The following TTLL13 variants were observed in gnomAD, a reference collection of about 807,000 sequenced individuals.
TTLL13 encodes tubulin tyrosine ligase like 13, also known as tubulin polyglutamylase TTLL13.
At chr15:90,260,986 C>G in the TTLL13 span, among the ~76,000 whole-genome samples, 4 of 152,020 alleles carry the variant, frequency 2.6e-5, no homozygotes, top group Admixed American at 2.6e-4. Context: ...TCATAATCAA[C>G]ATGCTAATTG....
chr15:90,264,629 T>C, the TTLL13 span: 1 of 1,422,934 alleles, frequency 7.0e-7, no homozygotes, highest in Non-Finnish European at 9.4e-7. Flanking sequence ...ATGCCCTTCC[T>C]CTGTGTTGGT....
chr15:90,253,225 C>G, the TTLL13 span: 1 of 1,599,240 alleles, frequency 6.3e-7, no homozygotes, highest in East Asian at 2.2e-5. Flanking sequence ...CATGCTGGCA[C>G]TACTGATCTC....
chr15:90,254,248 T>A, the TTLL13 span, among the ~76,000 whole-genome samples: 3 of 147,916 alleles, frequency 2.0e-5, no homozygotes, highest in South Asian at 4.2e-4. Flanking sequence ...TAATCCCAAC[T>A]CTTTGGGAGG....
chr15:90,264,223 GCT>G, the TTLL13 span, among the ~76,000 whole-genome samples: 1 of 152,026 alleles, frequency 6.6e-6, no homozygotes, highest in Non-Finnish European at 1.5e-5. Context: ...ACAAGGTCAC[GCT>G]CTGTCGCCAA....
the TTLL13 span, chr15:90,263,940 T>A: frequency 6.6e-7 from 1 of 1,525,428 alleles, no homozygotes; most frequent in Non-Finnish European, 8.8e-7. Context: ...CCCGGTACCA[T>A]CTGCAGCCCA....
chr15:90,255,899 G>A, the TTLL13 span: 4 of 1,614,146 alleles, frequency 2.5e-6, no homozygotes, highest in African/African-American at 1.3e-5. Context: ...AGTGGGTCTG[G>A]CTTCCCATGC....
At chr15:90,263,728 C>A in the TTLL13 span, 1 of 671,280 alleles carries the variant, frequency 1.5e-6, no homozygotes, top group South Asian at 1.5e-5. Context: ...AGGGGCTGCT[C>A]TTCTCCTCTA....
At chr15:90,251,984 C>T in the TTLL13 span, among the ~76,000 whole-genome samples, 1 of 151,752 alleles carries the variant, frequency 6.6e-6, no homozygotes, top group Non-Finnish European at 1.5e-5. Context: ...AAGCCGTCTT[C>T]CTATCTGAGC....
the TTLL13 span, chr15:90,250,975 A>C: frequency 1.5e-4 from 221 of 1,500,916 alleles, no homozygotes; most frequent in Middle Eastern, 2.5e-4. Flanking sequence ...CTGGGATCTC[A>C]GATCTTCCCT....
At chr15:90,264,910 G>A in the TTLL13 span, 36 of 1,536,034 alleles carry the variant, frequency 2.3e-5, no homozygotes, top group African/African-American at 4.0e-4. Flanking sequence ...TCTGCCCTGC[G>A]TCTGCACCCA....
At chr15:90,257,677 A>C in the TTLL13 span, 2 of 1,614,072 alleles carry the variant, frequency 1.2e-6, no homozygotes, top group Non-Finnish European at 1.7e-6. Context: ...GCTATCAACA[A>C]ACACAATGAG....
At chr15:90,256,593 CTT>C in the TTLL13 span, among the ~76,000 whole-genome samples, 36 of 39,082 alleles carry the variant, frequency 9.2e-4, no homozygotes, top group African/African-American at 3.2e-3. Flanking sequence ...TTCTTTCTTT[CTT>C]TCTTTCTTTC....
At chr15:90,256,640 T>C in the TTLL13 span, among the ~76,000 whole-genome samples, 1 of 87,420 alleles carries the variant, frequency 1.1e-5, no homozygotes, top group Non-Finnish European at 2.2e-5. Context: ...CTTCCTTCCT[T>C]CTTTCTTTCT....
the TTLL13 span, among the ~76,000 whole-genome samples, chr15:90,256,561 CTT>C: frequency 7.5e-5 from 3 of 40,248 alleles, no homozygotes; most frequent in Non-Finnish European, 9.4e-5. Context: ...TTCTTTCTTT[CTT>C]TCTTTCTTTC....
the TTLL13 span, chr15:90,257,230 C>T: frequency 6.2e-7 from 1 of 1,613,386 alleles, no homozygotes; most frequent in Non-Finnish European, 8.5e-7. Flanking sequence ...ATGAGGAGGG[C>T]CTAGCCCGTT....
At chr15:90,264,792 C>T in the TTLL13 span, 5 of 1,536,118 alleles carry the variant, frequency 3.3e-6, no homozygotes, top group Non-Finnish European at 4.4e-6. Flanking sequence ...ACTTTAACCC[C>T]AAAGCAGGGC....
At chr15:90,255,820 C>A in the TTLL13 span, 1 of 1,614,066 alleles carries the variant, frequency 6.2e-7, no homozygotes, top group East Asian at 2.2e-5. Flanking sequence ...GGAACCTCAA[C>A]CGCATGTACA....
At chr15:90,263,332 CTTTG>C in the TTLL13 span, 1 of 566,258 alleles carries the variant, frequency 1.8e-6, no homozygotes, top group Non-Finnish European at 3.1e-6. Context: ...TCCCAAGCTC[CTTTG>C]TTTTAGATAT....
the TTLL13 span, among the ~76,000 whole-genome samples, chr15:90,260,257 G>A: frequency 6.6e-6 from 1 of 152,200 alleles, no homozygotes; most frequent in South Asian, 2.1e-4. Flanking sequence ...CAGCATTTTG[G>A]GAGGCTGAGG....
Sources: allele counts gnomAD v4.1 joint callset (sites outside exome capture counted in the v4.1 genomes callset), GRCh38; gene constraint gnomAD v4.1.1; transcripts MANE v1.5; gene names NCBI Gene and HGNC (gene_info 2026-07-23, HGNC 2026-07-21).